WDPCP: variants seen among roughly 807,000 people sequenced by gnomAD.
WDPCP encodes the protein WD repeat-containing and planar cell polarity effector protein fritz homolog.
In WDPCP, 71 loss-of-function variants were observed where a neutral mutation model predicts 93.1. The observed-to-expected ratio is 0.76, with a 90% CI of 0.63 to 0.93. WDPCP has a LOEUF of 0.93. WDPCP is among the 40% of genes least tolerant of loss of function. WDPCP has a pLI of 0.00. For missense variants in WDPCP, 844 were observed against 887.4 expected, an observed-to-expected ratio of 0.95 and a Z score of 0.62; for synonymous variants, 315 against 315.0, an observed-to-expected ratio of 1.00 and a Z score of 0.00.
intron 3 of WDPCP, among the ~76,000 whole-genome samples, chr2:63,617,392 T>C (rs1474408342): frequency 2.0e-5 from 3 of 152,224 alleles, no homozygotes; most frequent in Non-Finnish European, 4.4e-5. Flanking sequence ...TGCTTTCTTA[T>C]ACCCTTCTAG....
chr2:63,623,995 T>C lies in WDPCP; in HGVS notation n.488+26664A>G, dbSNP rs193075914. On this transcript the variant is annotated intron_variant and non_coding_transcript_variant, in intron 3 of 4. Transcript: ENST00000467687. ...TCATAACAAACAGTCACTCAAACCA[T>C]AGTGCAATCAAATTAGAACTCAGGA... 2.0e-3 allele frequency among the ~76,000 whole-genome samples: 306 copies of C among 152,206 alleles called. 2 individuals carry two copies. The highest frequency in any genetic ancestry group is 2.5e-3 in the Non-Finnish European group (172 of 67,988).
chr2:63,156,644 A>G (rs908595776), intron 15 of WDPCP, among the ~76,000 whole-genome samples: 1 of 152,142 alleles, frequency 6.6e-6, no homozygotes, highest in Non-Finnish European at 1.5e-5. Context: ...AGGCTGAGGC[A>G]GGGGAATTGC....
intron 11 of WDPCP, among the ~76,000 whole-genome samples, chr2:63,381,651 G>A (rs1298169638): frequency 6.6e-6 from 1 of 152,102 alleles, no homozygotes; most frequent in Non-Finnish European, 1.5e-5. Context: ...AGACTGAATT[G>A]TACAATGACT....
chr2:63,229,923 G>T (rs182385741), intron 14 of WDPCP: 46 of 154,892 alleles, frequency 3.0e-4, no homozygotes, highest in Admixed American at 2.1e-3. Flanking sequence ...AAAAATAAGC[G>T]TAACTAGTTT....
chr2:63,637,197 C>CA (rs1709929606), intron 3 of WDPCP, among the ~76,000 whole-genome samples: 1 of 151,556 alleles, frequency 6.6e-6, no homozygotes, highest in Non-Finnish European at 1.5e-5. Flanking sequence ...ACTAAAAATA[C>CA]AAAAAATTAG....
intron 3 of WDPCP, among the ~76,000 whole-genome samples, chr2:63,612,823 G>GT (rs750572690): frequency 6.6e-6 from 1 of 151,990 alleles, no homozygotes; most frequent in Non-Finnish European, 1.5e-5. Flanking sequence ...TCTTTTGTCA[G>GT]TTAGATTTCC....
chr2:63,700,700 AC>A (rs1156516294), intron 2 of WDPCP, among the ~76,000 whole-genome samples: 2 of 152,302 alleles, frequency 1.3e-5, no homozygotes, highest in East Asian at 3.9e-4. Context: ...AGAATAGAGA[AC>A]CCTGACATAA....
At chr2:63,236,952 G>C (rs2104608272) in intron 14 of WDPCP, among the ~76,000 whole-genome samples, 1 of 152,052 alleles carries the variant, frequency 6.6e-6, no homozygotes, top group Admixed American at 6.6e-5. Flanking sequence ...ATCCTCAAAA[G>C]CAATTACAAC....
intron 2 of WDPCP, among the ~76,000 whole-genome samples, chr2:63,490,325 G>A (rs1700805508): frequency 1.3e-5 from 2 of 152,054 alleles, no homozygotes; most frequent in Admixed American, 1.3e-4. Context: ...CCTTTTTGTA[G>A]GACATATACA....
chr2:63,647,595 A>C (rs1710066551), intron 3 of WDPCP, among the ~76,000 whole-genome samples: 1 of 152,252 alleles, frequency 6.6e-6, no homozygotes, highest in South Asian at 2.1e-4. Flanking sequence ...ATGGAGTACA[A>C]GCTAGTGGTT....
chr2:63,721,801 A>T (rs1255537596), intron 2 of WDPCP, among the ~76,000 whole-genome samples: 2 of 148,504 alleles, frequency 1.3e-5, no homozygotes, highest in Non-Finnish European at 3.0e-5. Context: ...CCGAAGCTGG[A>T]CTGTACTGCT....
At chr2:63,744,290 C>T (rs925957476) in intron 2 of WDPCP, among the ~76,000 whole-genome samples, 7 of 152,054 alleles carry the variant, frequency 4.6e-5, no homozygotes, top group African/African-American at 1.7e-4. Flanking sequence ...GCAATGCAGC[C>T]CTCTCCTCTT....
chr2:63,811,024 T>C (rs1040832294), intron 2 of WDPCP, among the ~76,000 whole-genome samples: 1 of 152,238 alleles, frequency 6.6e-6, no homozygotes, highest in Non-Finnish European at 1.5e-5. Context: ...ATGTCTTCTA[T>C]AAAATACTAA....
chr2:63,219,131 C>A (rs964218835), intron 14 of WDPCP, among the ~76,000 whole-genome samples: 20 of 152,122 alleles, frequency 1.3e-4, no homozygotes, highest in Non-Finnish European at 2.2e-4. Context: ...TTAGTATTTT[C>A]CAGATGGATG....
chr2:63,309,035 CTCTTA>C (rs1382869452), intron 13 of WDPCP, among the ~76,000 whole-genome samples: 3 of 152,268 alleles, frequency 2.0e-5, no homozygotes, highest in Admixed American at 6.5e-5. Flanking sequence ...CACATATTCT[CTCTTA>C]TAAGTGTGAG....
chr2:63,453,553 A>G (rs949940104), intron 6 of WDPCP, among the ~76,000 whole-genome samples: 4 of 152,216 alleles, frequency 2.6e-5, no homozygotes, highest in Non-Finnish European at 5.9e-5. Flanking sequence ...TCAAGTATAT[A>G]GAACTAGAAA....
At chr2:63,205,819 T>C (rs527939967) in intron 14 of WDPCP, among the ~76,000 whole-genome samples, 1 of 152,318 alleles carries the variant, frequency 6.6e-6, no homozygotes, top group South Asian at 2.1e-4. Context: ...CCTTTATTTC[T>C]TTCTCTTGTC....
chr2:63,224,472 A>G (rs978433636), intron 14 of WDPCP, among the ~76,000 whole-genome samples: 2 of 152,122 alleles, frequency 1.3e-5, no homozygotes, highest in Non-Finnish European at 1.5e-5. Flanking sequence ...CATAACTGCC[A>G]GAACTCAGAA....
intron 12 of WDPCP, chr2:63,369,087 T>C (rs996311847): frequency 3.0e-5 from 6 of 198,016 alleles, no homozygotes; most frequent in South Asian, 2.1e-4. Flanking sequence ...CTTCACTACA[T>C]AGTAGAAAAA....
Sources: allele counts gnomAD v4.1 joint callset (sites outside exome capture counted in the v4.1 genomes callset), GRCh38; gene constraint gnomAD v4.1.1; transcripts MANE v1.5; gene names NCBI Gene and HGNC (gene_info 2026-07-23, HGNC 2026-07-21).